The following AUH variants were observed in gnomAD, a reference collection of about 807,000 sequenced individuals.
The protein encoded by AUH is methylglutaconyl-CoA hydratase, mitochondrial.
In AUH, 29 loss-of-function variants were observed where a neutral mutation model predicts 42.3. The observed-to-expected ratio is 0.69, with a 90% CI of 0.51 to 0.93. The LOEUF (loss-of-function observed/expected upper bound fraction) is 0.93. Among genes scored for constraint, AUH ranks in the 40% least tolerant of loss-of-function variants. The pLI is 0.00. For missense variants in AUH, 452 were observed against 438.1 expected (o/e 1.03, Z -0.28); for synonymous variants, 174 against 166.4 (o/e 1.05, Z -0.35).
intron 6 of AUH, among the ~76,000 whole-genome samples, chr9:91,276,333 A>G (rs1179025257): frequency 6.6e-6 from 1 of 151,912 alleles, no homozygotes; most frequent in African/African-American, 2.4e-5. Context: ...TGAGAAAGCG[A>G]AGCACAAGAA....
intron 6 of AUH, among the ~76,000 whole-genome samples, chr9:91,270,143 A>C (rs1372156467): frequency 1.3e-5 from 2 of 152,244 alleles, no homozygotes; most frequent in Non-Finnish European, 2.9e-5. Flanking sequence ...TCTGGTTAGC[A>C]TAAGGAAAGG....
chr9:91,305,895 G>GT (rs1554710204), intron 4 of AUH, among the ~76,000 whole-genome samples: 1 of 152,012 alleles, frequency 6.6e-6, no homozygotes, highest in Non-Finnish European at 1.5e-5. Flanking sequence ...CCCCAACACC[G>GT]TAAGCCATCC....
chr9:91,265,700 T>C (rs1015508302), intron 6 of AUH, among the ~76,000 whole-genome samples: 1 of 152,196 alleles, frequency 6.6e-6, no homozygotes, highest in South Asian at 2.1e-4. Context: ...AGGATTTTAT[T>C]GTGCAACATC....
chr9:91,236,531 A>C (rs976860568), intron 6 of AUH, among the ~76,000 whole-genome samples: 3 of 152,160 alleles, frequency 2.0e-5, no homozygotes, highest in Non-Finnish European at 2.9e-5. Flanking sequence ...GAAAAGAGGG[A>C]AATGATTGAG....
intron 1 of AUH, among the ~76,000 whole-genome samples, chr9:91,357,242 C>T (rs899610710): frequency 1.3e-5 from 2 of 152,154 alleles, no homozygotes; most frequent in Non-Finnish European, 2.9e-5. Flanking sequence ...GTGCTTTAAG[C>T]GAATTAACTC....
chr9:91,295,921 T>C (rs1827291231), intron 6 of AUH, 100 bp downstream of exon 6: 2 of 1,344,938 alleles, frequency 1.5e-6, no homozygotes, highest in Non-Finnish European at 2.1e-6. Flanking sequence ...CATTGTCTCT[T>C]TACGCAAAAT....
chr9:91,296,708 T>C (rs1194968162), intron 5 of AUH, among the ~76,000 whole-genome samples: 2 of 152,262 alleles, frequency 1.3e-5, no homozygotes, highest in African/African-American at 2.4e-5. Flanking sequence ...GGATTACATG[T>C]ACCTTAGCTT....
chr9:91,320,001 T>A (rs1046778581), intron 4 of AUH, among the ~76,000 whole-genome samples: 2 of 152,152 alleles, frequency 1.3e-5, no homozygotes, highest in Non-Finnish European at 2.9e-5. Flanking sequence ...TTCTTTCTTC[T>A]GAGGAGGCAA....
chr9:91,214,300 C>T lies in AUH; in HGVS notation c.*48G>A. ...CATATAGTGGATCCGAAAGACACTT[C>T]CAGGAAGTACATTTATTACATTGGC... On this transcript the variant is annotated 3_prime_UTR_variant, in exon 10 of 10. Transcript: ENST00000375731. 1 of 1,506,354 alleles carries T rather than the reference C, an allele frequency of 6.6e-7. No individual in the cohort carries two copies. The highest frequency in any genetic ancestry group is 1.2e-5 in the South Asian group (1 of 85,918). The allele number at this position is 1,506,354 out of a possible 1,614,324, so 93.3% of individuals were successfully genotyped here. A position where few individuals can be genotyped will look rare whatever the true frequency, so the allele number is the denominator to read the frequency against.
At chr9:91,235,399 C>A (rs748792009) in intron 6 of AUH, among the ~76,000 whole-genome samples, 51 of 151,974 alleles carry the variant, frequency 3.4e-4, no homozygotes, top group Non-Finnish European at 6.0e-4. Flanking sequence ...AGATTTTTAG[C>A]CTGAGTGTGT....
Position 91,355,892 on chromosome 9 carries a change from A to AT in AUH, c.408dup (p.Phe137IlefsTer6). ...CAACATATTTACATACCAGCACAGA[A>AT]TATCCCTGGGACTTCACTCCTGATT... is the stretch of plus-strand genomic sequence containing the variant. On this transcript the variant is annotated frameshift_variant, in exon 3 of 10. Coordinates refer to ENST00000375731, the MANE Select transcript of AUH (RefSeq NM_001698.3). LOFTEE classifies it high-confidence loss of function. 6.2e-7 allele frequency: 1 copy of AT among 1,609,622 alleles called. No individual in the cohort carries two copies. Among genetic ancestry groups the AT allele is most frequent in the Non-Finnish European group, 8.5e-7 (1 of 1,176,012 alleles).
At chr9:91,294,472 G>A (rs573294209) in intron 6 of AUH, among the ~76,000 whole-genome samples, 4 of 151,938 alleles carry the variant, frequency 2.6e-5, no homozygotes, top group Admixed American at 2.0e-4. Context: ...CCCTTGAACC[G>A]GGGAGGCAGG....
chr9:91,338,086 A>C (rs1830822584), intron 3 of AUH, among the ~76,000 whole-genome samples: 1 of 152,220 alleles, frequency 6.6e-6, no homozygotes, highest in African/African-American at 2.4e-5. Context: ...GTAAAATTTT[A>C]CCTGCCCATT....
intron 6 of AUH, among the ~76,000 whole-genome samples, chr9:91,266,390 T>A (rs200514601): frequency 7.8e-6 from 1 of 128,130 alleles, no homozygotes; most frequent in Non-Finnish European, 1.6e-5. Context: ...AATAAATAAA[T>A]AAAAATAAAA....
intron 6 of AUH, among the ~76,000 whole-genome samples, chr9:91,268,596 A>G (rs1392513092): frequency 6.6e-6 from 1 of 152,064 alleles, no homozygotes; most frequent in Non-Finnish European, 1.5e-5. Context: ...ACATCCAGCT[A>G]ATTTTTGTAT....
chr9:91,313,393 G>T (rs902575963), intron 4 of AUH, among the ~76,000 whole-genome samples: 1 of 152,122 alleles, frequency 6.6e-6, no homozygotes, highest in Non-Finnish European at 1.5e-5. Context: ...AATAAGCCTA[G>T]AAGCTCTTCT....
At chr9:91,275,940 T>C (rs1021278455) in intron 6 of AUH, among the ~76,000 whole-genome samples, 5 of 152,302 alleles carry the variant, frequency 3.3e-5, no homozygotes, top group South Asian at 2.1e-4. Context: ...GTGGGAAAGA[T>C]AGAGCAATCT....
intron 1 of AUH, chr9:91,360,513 C>T (rs1446862617): frequency 6.6e-6 from 1 of 152,236 alleles, no homozygotes; most frequent in African/African-American, 2.4e-5. Flanking sequence ...TGGCAATTTA[C>T]ATTAACAATC....
chr9:91,358,514 C>T lies in AUH; in HGVS notation c.263-2359G>A, dbSNP rs532028595. Reference sequence around the variant, plus strand: ...AACCTCTCTGATCCTCAGTTTCTTACTCTATTAAGATACTAACAGTTCCAC... The same window carrying T: ...AACCTCTCTGATCCTCAGTTTCTTATTCTATTAAGATACTAACAGTTCCAC... On this transcript the variant is annotated intron_variant, in intron 1 of 9. Transcript: ENST00000375731. 2.6e-5 allele frequency among the ~76,000 whole-genome samples: 4 copies of T among 152,270 alleles called. No individual in the cohort carries two copies. In the East Asian group the frequency reaches 7.7e-4, roughly 29 times the overall value.
Sources: gnomAD v4.1 joint callset for allele counts (sites outside exome capture counted in the v4.1 genomes callset) on GRCh38, gnomAD v4.1.1 for gene constraint, MANE v1.5 for transcripts, NCBI Gene and HGNC (gene_info 2026-07-23, HGNC 2026-07-21) for gene names.